Variants in CEP44 observed in about 807,000 individuals in gnomAD.
CEP44 encodes centrosomal protein 44, also known as centrosomal protein of 44 kDa.
In CEP44, 45 loss-of-function variants were observed where a neutral mutation model predicts 46.7. The observed-to-expected ratio is 0.96, with a 90% CI of 0.76 to 1.24. CEP44 has a LOEUF of 1.24. CEP44 is among the 50% of genes most tolerant of loss of function. CEP44 has a pLI of 0.00. For missense variants in CEP44, 475 were observed against 459.7 expected (o/e 1.03, Z -0.30); for synonymous variants, 142 against 146.0 (o/e 0.97, Z 0.20).
At chr4:174,308,603 A>G (rs1740713658) in intron 6 of CEP44, 86 bp from the exon 7 acceptor site, 13 of 1,316,768 alleles carry the variant, frequency 9.9e-6, no homozygotes, top group Non-Finnish European at 1.4e-5. Flanking sequence ...AAACCTGCAC[A>G]TGGACCCCTG....
At chr4:174,302,465 G>T (rs1739843066) in intron 4 of CEP44, among the ~76,000 whole-genome samples, 1 of 151,852 alleles carries the variant, frequency 6.6e-6, no homozygotes, top group Non-Finnish European at 1.5e-5. Flanking sequence ...TTGATATACT[G>T]GCAGAAATTA....
chr4:174,292,594 A>C (rs544829855), intron 1 of CEP44, among the ~76,000 whole-genome samples: 4 of 152,148 alleles, frequency 2.6e-5, no homozygotes, highest in Non-Finnish European at 5.9e-5. Context: ...GTATAATTTC[A>C]TATGACCGGT....
In CEP44 at chr4:174,314,677, G is replaced by A. The variant is rs563061428; in HGVS notation, c.962-1489G>A. ...TTTGGAAAGATGTCCGAAATGTTCA[G>A]GACAACTATCTGTACCCACAGAAAA... On this transcript the variant is annotated intron_variant, in intron 9 of 11. Transcript: ENST00000503780. This position sits in a 1 kb window ranked among gnomAD's most constrained non-coding sequence, Gnocchi z 4.1. Among the ~76,000 whole-genome samples the A allele has an allele frequency of 3.3e-5, 5 of 152,240 alleles. No individual in the cohort carries two copies. The East Asian group carries it at 5.8e-4, about 18-fold the overall frequency.
Position 174,283,946 on chromosome 4 carries a change from G to C in CEP44, c.-148+3G>C. 2.5e-6 allele frequency: 1 copy of C among 399,144 alleles called. No individual in the cohort carries two copies. Among genetic ancestry groups the C allele is most frequent in the Non-Finnish European group, 4.4e-6 (1 of 226,284 alleles). The allele number at this position is 399,144 out of a possible 1,614,324, so 24.7% of individuals were successfully genotyped here. On this transcript the variant is annotated splice_donor_region_variant and intron_variant, in intron 1 of 11. Coordinates refer to ENST00000503780, the MANE Select transcript of CEP44 (RefSeq NM_001040157.3). This position sits in a 1 kb window ranked among gnomAD's most constrained non-coding sequence, Gnocchi z 6.7. ...CCAGCTTTGAAGGTCTTGCGGTGGT[G>C]CGTGGCGGGCAGGAACCCACAATTC... is the stretch of plus-strand genomic sequence containing the variant.
rs1389688588 is a variant in CEP44, at chr4:174,308,839, G to A, written c.658G>A (p.Glu220Lys). The change falls in exon 7 of 12, where the codon GAA becomes AAA. Residue 220 changes from glutamate (E) to lysine (K), a missense_variant. Glu to Lys is a moderately conservative substitution (Grantham distance 56). Coordinates refer to ENST00000503780, the MANE Select transcript of CEP44 (RefSeq NM_001040157.3). ...AAAGATGCCTGAAGTAAAGGTTCCTGAAATCAAGGCTGAGCAACAGGTAAC... is the reference window on the plus strand; with the variant it reads ...AAAGATGCCTGAAGTAAAGGTTCCTAAAATCAAGGCTGAGCAACAGGTAAC... ...EIKMPEVKVP[E>K]IKAEQQDVNV... is the part of the protein sequence containing the mutation. 2.5e-6 allele frequency: 4 copies of A among 1,613,010 alleles called. No individual in the cohort carries two copies. The highest frequency in any genetic ancestry group is 1.3e-5 in the African/African-American group (1 of 74,996).
In CEP44 at chr4:174,314,421, C is replaced by T. The variant is rs749921961; in HGVS notation, c.962-1745C>T. Among the ~76,000 whole-genome samples the T allele has an allele frequency of 3.3e-5, 5 of 152,172 alleles. No individual in the cohort carries two copies. The highest frequency in any genetic ancestry group is 5.9e-5 in the Non-Finnish European group (4 of 68,042). ...TAACTGATCTGGCTATTAAATATAG[C>T]TGGTGTTCTGTAATGGTCCACTCTG... On this transcript the variant is annotated intron_variant, in intron 9 of 11. Transcript: ENST00000503780. The surrounding 1 kb of genome is among the most constrained non-coding windows in gnomAD (Gnocchi z 4.1).
intron 2 of CEP44, among the ~76,000 whole-genome samples, chr4:174,298,267 C>T (rs1306033448): frequency 6.8e-6 from 1 of 147,818 alleles, no homozygotes; most frequent in Non-Finnish European, 1.5e-5. Flanking sequence ...GCTCCGCCTC[C>T]CGGGTTCACG....
intron 9 of CEP44, among the ~76,000 whole-genome samples, chr4:174,313,768 A>G (rs1741358833): frequency 6.6e-6 from 1 of 152,182 alleles, no homozygotes; most frequent in Non-Finnish European, 1.5e-5. Flanking sequence ...CCTGATAGAT[A>G]CAAAAAGGGT....
At chr4:174,321,421 A>G (rs1408493162), downstream of CEP44, among the ~76,000 whole-genome samples, 1 of 152,134 alleles carries the variant, frequency 6.6e-6, no homozygotes, top group East Asian at 1.9e-4. Context: ...CAAATAATAT[A>G]TAAATAGGAA....
At position 174,286,868 on chromosome 4, in the gene CEP44, C is replaced by G. The variant is rs1737639390; in HGVS notation, c.-148+2925C>G. Among the ~76,000 whole-genome samples the G allele has an allele frequency of 6.6e-6, 1 of 152,160 alleles. No individual in the cohort carries two copies. Among genetic ancestry groups the G allele is most frequent in the Admixed American group, 6.5e-5 (1 of 15,276 alleles). On this transcript the variant is annotated intron_variant, in intron 1 of 11. Coordinates refer to ENST00000503780, the MANE Select transcript of CEP44 (RefSeq NM_001040157.3). This position sits in a 1 kb window ranked among gnomAD's most constrained non-coding sequence, Gnocchi z 5.2. ...TGTGTACATTCTTCAGAGTCATATT[C>G]CTGTTTCATAGGCCCCATGTATGTC...
At chr4:174,298,866 A>T (rs1427890492) in intron 2 of CEP44, among the ~76,000 whole-genome samples, 1 of 152,166 alleles carries the variant, frequency 6.6e-6, no homozygotes, top group Non-Finnish European at 1.5e-5. Context: ...GGAGGAAAAC[A>T]TGTAGGAGGG....
chr4:174,308,886 A>T, intron 7 of CEP44, 27 bp downstream of exon 7: 1 of 1,597,016 alleles, frequency 6.3e-7, no homozygotes. Context: ...TTTTAAATAG[A>T]TGCCAGTATT....
intron 8 of CEP44, among the ~76,000 whole-genome samples, chr4:174,327,206 GA>G (rs982206714): frequency 2.1e-5 from 3 of 146,020 alleles, no homozygotes; most frequent in Admixed American, 6.9e-5. Context: ...GAGAGAGAGA[GA>G]AAAAACAGAT....
rs1312729811 is a variant in CEP44, at chr4:174,320,328, G to A, written c.*2945G>A. Reference sequence around the variant, plus strand: ...TTTAAAAATAAAACTTGAAAACGTTGGGACTTTGTTTCATGCCATTCATTA... The same window carrying A: ...TTTAAAAATAAAACTTGAAAACGTTAGGACTTTGTTTCATGCCATTCATTA... On this transcript the variant is annotated 3_prime_UTR_variant, in exon 12 of 12. Coordinates refer to ENST00000503780, the MANE Select transcript of CEP44 (RefSeq NM_001040157.3). 4 of 974,492 alleles carry A rather than the reference G, an allele frequency of 4.1e-6. No homozygotes were observed. The East Asian group carries it at 3.5e-4, about 85-fold the overall frequency. The allele number at this position is 974,492 out of a possible 1,614,324, so 60.4% of individuals were successfully genotyped here. A position where few individuals can be genotyped will look rare whatever the true frequency, so the allele number is the denominator to read the frequency against.
chr4:174,324,377 C>T (rs1345409390), downstream of CEP44, among the ~76,000 whole-genome samples: 1 of 152,098 alleles, frequency 6.6e-6, no homozygotes, highest in Non-Finnish European at 1.5e-5. Flanking sequence ...TCTCTGGACA[C>T]ATGTTTTTAC....
chr4:174,323,354 C>T (rs187632174), downstream of CEP44, among the ~76,000 whole-genome samples: 950 of 152,114 alleles, frequency 6.2e-3, 6 homozygotes, highest in South Asian at 0.016. Context: ...AATTTACATA[C>T]GATAAAATTC....
chr4:174,316,726 C>A, intron 11 of CEP44, 159 bp downstream of exon 11: 1 of 566,758 alleles, frequency 1.8e-6, no homozygotes, highest in Non-Finnish European at 3.0e-6. Context: ...AATCCACCTA[C>A]AGTTATGTGT....
rs926972600 is a variant in CEP44 at position 174,317,725 on chromosome 4, A to G, written c.*342A>G. The G allele has an allele frequency of 9.1e-6, 9 of 991,462 alleles. No homozygotes were observed. Among genetic ancestry groups the G allele is most frequent in the Non-Finnish European group, 9.6e-6 (8 of 833,846 alleles). 61.4% of individuals were successfully genotyped at this position (991,462 alleles called of 1,614,324 possible). A position where few individuals can be genotyped will look rare whatever the true frequency, so the allele number is the denominator to read the frequency against. ...TTTTTAAAGCACAGGCTTGAGGACT[A>G]TGGTTTACATCCTGTTGGAAACATT... On this transcript the variant is annotated 3_prime_UTR_variant, in exon 12 of 12. Transcript: ENST00000503780.
At chr4:174,306,207 C>T (rs1469312283) in intron 6 of CEP44, among the ~76,000 whole-genome samples, 6 of 151,774 alleles carry the variant, frequency 4.0e-5, no homozygotes, top group Non-Finnish European at 8.8e-5. Context: ...AAATGCATAC[C>T]GTGACCTAAT....
Sources: gnomAD v4.1 joint callset for allele counts (sites outside exome capture counted in the v4.1 genomes callset) on GRCh38, gnomAD v4.1.1 for gene constraint, Gnocchi (gnomAD v3.1) non-coding constraint, MANE v1.5 for transcripts, NCBI Gene and HGNC (gene_info 2026-07-23, HGNC 2026-07-21) for gene names.